WWOX: variants seen among roughly 807,000 people sequenced by gnomAD.
WWOX encodes WW domain containing oxidoreductase.
WWOX carries 69 observed loss-of-function variants against 46.2 expected under a neutral mutation model. The ratio of observed to expected loss-of-function variants is 1.49; its 90% CI spans 1.23 to 1.82. The LOEUF (loss-of-function observed/expected upper bound fraction) is 1.82, where lower values mean the gene tolerates loss of function less well. Ranked by LOEUF, WWOX falls within the 40% of genes most tolerant of loss-of-function variation. The probability of loss-of-function intolerance (pLI) is 0.00; values close to 1 mark genes in which losing one functional copy is unlikely to be tolerated. For missense variants in WWOX, 919 were observed against 542.6 expected (o/e 1.69, Z -6.89); for synonymous variants, 359 against 202.6 (o/e 1.77, Z -6.56).
At chr16:79,199,109 C>G (rs752556490) in intron 8 of WWOX, among the ~76,000 whole-genome samples, 8 of 152,168 alleles carry the variant, frequency 5.3e-5, no homozygotes, top group Non-Finnish European at 1.2e-4. Flanking sequence ...GTCACCCAAG[C>G]TGGAGTGCAG....
intron 8 of WWOX, among the ~76,000 whole-genome samples, chr16:79,112,263 C>T (rs923303194): frequency 2.6e-5 from 4 of 152,148 alleles, no homozygotes; most frequent in African/African-American, 7.2e-5. Flanking sequence ...GTCCACTTGA[C>T]GGACAGGCAA....
chr16:79,056,168 T>G (rs1173989068), intron 8 of WWOX, among the ~76,000 whole-genome samples: 1 of 151,360 alleles, frequency 6.6e-6, no homozygotes, highest in Non-Finnish European at 1.5e-5. Flanking sequence ...TTTACTAAAG[T>G]TTCCCTTCTT....
rs1310597059 is a variant in WWOX at position 78,292,249 on chromosome 16, C to A, written c.517-94611C>A. ...GATGGTGCCATGAGGGCAGGGGCAA[C>A]TCCTATCCTAAGGCGTGGCCCATAG... On this transcript the variant is annotated intron_variant, in intron 5 of 8. Transcript: ENST00000566780. 3.3e-5 allele frequency among the ~76,000 whole-genome samples: 5 copies of A among 152,088 alleles called. No homozygotes were observed. The South Asian group carries it at 1.0e-3, about 31-fold the overall frequency.
intron 8 of WWOX, among the ~76,000 whole-genome samples, chr16:79,191,458 A>C (rs898968319): frequency 6.6e-6 from 1 of 151,968 alleles, no homozygotes; most frequent in Admixed American, 6.6e-5. Context: ...ATTTCCATAC[A>C]TTTTGCTTAT....
At chr16:79,015,381 C>A (rs1002346062) in intron 8 of WWOX, among the ~76,000 whole-genome samples, 4 of 152,358 alleles carry the variant, frequency 2.6e-5, no homozygotes, top group Middle Eastern at 3.4e-3. Flanking sequence ...TTTTCTTGAA[C>A]TCACTTTTCC....
intron 8 of WWOX, among the ~76,000 whole-genome samples, chr16:79,088,597 T>G (rs184678870): frequency 1.1e-4 from 17 of 152,278 alleles, no homozygotes; most frequent in African/African-American, 3.9e-4. Flanking sequence ...TAAAAGAGGT[T>G]TTCTAGACTC....
intron 8 of WWOX, among the ~76,000 whole-genome samples, chr16:79,130,831 G>C (rs1335230932): frequency 6.6e-6 from 1 of 152,154 alleles, no homozygotes; most frequent in East Asian, 1.9e-4. Context: ...AGATTTCCAT[G>C]TTCTCCGCAC....
At chr16:78,176,752 G>C (rs942781525) in intron 5 of WWOX, among the ~76,000 whole-genome samples, 1 of 152,182 alleles carries the variant, frequency 6.6e-6, no homozygotes, top group Non-Finnish European at 1.5e-5. Flanking sequence ...GAGAGAATTA[G>C]TTGATGAATT....
At chr16:78,808,891 G>C (rs1193005818) in intron 8 of WWOX, among the ~76,000 whole-genome samples, 1 of 152,068 alleles carries the variant, frequency 6.6e-6, no homozygotes, top group African/African-American at 2.4e-5. Context: ...TGGCTTGGTG[G>C]AGCCATCTAA....
chr16:78,180,435 G>C (rs1396849533), intron 5 of WWOX, among the ~76,000 whole-genome samples: 1 of 151,992 alleles, frequency 6.6e-6, no homozygotes, highest in East Asian at 1.9e-4. Context: ...AGAGTAGGGG[G>C]TATATGTTAG....
chr16:78,877,019 G>C (rs779080338), intron 8 of WWOX, among the ~76,000 whole-genome samples: 3 of 152,074 alleles, frequency 2.0e-5, no homozygotes, highest in Admixed American at 6.5e-5. Flanking sequence ...CTGCTGGTTC[G>C]AAGAGGTCCA....
chr16:78,584,388 AG>A (rs1368344458), intron 8 of WWOX, among the ~76,000 whole-genome samples: 1 of 152,210 alleles, frequency 6.6e-6, no homozygotes, highest in African/African-American at 2.4e-5. Context: ...GTGACTTTCC[AG>A]GCTTGGGATT....
Position 78,756,900 on chromosome 16 carries a change from T to C in WWOX, c.1056+324148T>C, listed in dbSNP as rs182217294. 8 of 703,036 alleles carry C rather than the reference T, an allele frequency of 1.1e-5. No homozygotes were observed. The East Asian group carries it at 1.3e-4, about 12-fold the overall frequency. 43.5% of individuals were successfully genotyped at this position (703,036 alleles called of 1,614,324 possible). On this transcript the variant is annotated intron_variant, in intron 8 of 8. Transcript: ENST00000566780. Reference sequence around the variant, plus strand: ...CTTACGAGGCTAGACCATAAAAATATTGAGGCTTCTGCCTTACTGATGTGG... The same window carrying C: ...CTTACGAGGCTAGACCATAAAAATACTGAGGCTTCTGCCTTACTGATGTGG...
chr16:78,283,348 GA>G (rs1442368835), intron 5 of WWOX, among the ~76,000 whole-genome samples: 2 of 152,170 alleles, frequency 1.3e-5, no homozygotes, highest in African/African-American at 2.4e-5. Context: ...CAGGTGTACA[GA>G]CTGACATCAA....
At chr16:78,549,562 G>A (rs1408923491) in intron 8 of WWOX, among the ~76,000 whole-genome samples, 1 of 152,090 alleles carries the variant, frequency 6.6e-6, no homozygotes, top group Non-Finnish European at 1.5e-5. Context: ...TCAGTCACTT[G>A]GCAGCAGCAA....
At chr16:78,424,742 C>G (rs1202524724) in intron 6 of WWOX, 128 bp from the exon 7 acceptor site, 1 of 1,067,374 alleles carries the variant, frequency 9.4e-7, no homozygotes, top group African/African-American at 1.6e-5. Context: ...ATTTCTCATT[C>G]CCGAAGGAGC....
intron 8 of WWOX, among the ~76,000 whole-genome samples, chr16:78,880,584 T>C (rs376242806): frequency 2.0e-5 from 3 of 152,138 alleles, no homozygotes; most frequent in African/African-American, 7.2e-5. Flanking sequence ...GATAGGCAGG[T>C]TTTTGCATTT....
At position 78,463,851 on chromosome 16, in the gene WWOX, T is replaced by C. The variant is rs78883285; in HGVS notation, c.1056+31099T>C. On this transcript the variant is annotated intron_variant, in intron 8 of 8. Transcript: ENST00000566780. ...TTGTTTGCAAATGATCACCTGGTAATTTAAGAGGGTGAGCTAAACTTCCTC... is the reference window on the plus strand; with the variant it reads ...TTGTTTGCAAATGATCACCTGGTAACTTAAGAGGGTGAGCTAAACTTCCTC... Among the ~76,000 whole-genome samples the C allele has an allele frequency of 6.3e-3, 962 of 152,280 alleles. 11 individuals are homozygous for C. Among genetic ancestry groups the C allele is most frequent in the African/African-American group, 0.022 (919 of 41,546 alleles).
At chr16:78,143,301 A>C (rs2034049593) in intron 4 of WWOX, among the ~76,000 whole-genome samples, 1 of 152,180 alleles carries the variant, frequency 6.6e-6, no homozygotes, top group African/African-American at 2.4e-5. Flanking sequence ...ATAATTATTC[A>C]CATTTTCTTG....
Sources: allele counts gnomAD v4.1 joint callset (sites outside exome capture counted in the v4.1 genomes callset), GRCh38; gene constraint gnomAD v4.1.1; transcripts MANE v1.5; gene names NCBI Gene and HGNC (gene_info 2026-07-23, HGNC 2026-07-21).